The following SEMA3D variants were observed in gnomAD, a reference collection of about 807,000 sequenced individuals.
The protein encoded by SEMA3D is semaphorin-3D.
A neutral mutation model predicts 100.1 loss-of-function variants in SEMA3D; 84 were observed. The observed-to-expected ratio is 0.84, with a 90% CI of 0.70 to 1.01. The LOEUF (loss-of-function observed/expected upper bound fraction) is 1.01. SEMA3D is among the 50% of genes least tolerant of loss of function. The pLI, the probability that SEMA3D is intolerant of heterozygous loss-of-function variation, is 0.00. For missense variants in SEMA3D, 875 were observed against 934.1 expected, an observed-to-expected ratio of 0.94 and a Z score of 0.82; for synonymous variants, 312 against 320.7, an observed-to-expected ratio of 0.97 and a Z score of 0.29.
intron 2 of SEMA3D, chr7:85,140,452 G>A: frequency 1.0e-6 from 1 of 983,076 alleles, no homozygotes; most frequent in Non-Finnish European, 1.2e-6. Flanking sequence ...GGGATTTAAG[G>A]TGACTTACTG....
At chr7:85,104,947 C>A (rs915124079) in intron 3 of SEMA3D, among the ~76,000 whole-genome samples, 1 of 151,972 alleles carries the variant, frequency 6.6e-6, no homozygotes, top group African/African-American at 2.4e-5. Context: ...AGAGAAACTT[C>A]ACAACTAAAA....
chr7:85,059,518 T>C (rs1410571695), intron 8 of SEMA3D, among the ~76,000 whole-genome samples: 3 of 152,196 alleles, frequency 2.0e-5, no homozygotes, highest in Non-Finnish European at 4.4e-5. Flanking sequence ...TGATGTCCCT[T>C]GAAATTTCAG....
At chr7:85,229,805 C>G in the SEMA3D span, among the ~76,000 whole-genome samples, 1 of 152,098 alleles carries the variant, frequency 6.6e-6, no homozygotes, top group African/African-American at 2.4e-5. Context: ...TCCTGTTCTT[C>G]ATTCTTCATT....
chr7:85,233,080 C>CA, the SEMA3D span, among the ~76,000 whole-genome samples: 1 of 152,044 alleles, frequency 6.6e-6, no homozygotes, highest in African/African-American at 2.4e-5. Context: ...GACCTCTGCT[C>CA]AGTGTCAAAC....
At chr7:85,215,117 C>CTTT in the SEMA3D span, among the ~76,000 whole-genome samples, 4 of 128,304 alleles carry the variant, frequency 3.1e-5, no homozygotes, top group Non-Finnish European at 6.7e-5. Flanking sequence ...TTCTTTCTTT[C>CTTT]TTTTTTTTTT....
intron 15 of SEMA3D, among the ~76,000 whole-genome samples, chr7:85,016,250 CTTTTTTT>C (rs59812080): frequency 7.8e-6 from 1 of 128,770 alleles, no homozygotes; most frequent in African/African-American, 2.8e-5. Flanking sequence ...TTTGTGATTC[CTTTTTTT>C]TTTTTTTTTG....
intron 1 of SEMA3D, chr7:85,167,348 A>G (rs1241661227): frequency 1.0e-6 from 1 of 983,494 alleles, no homozygotes; most frequent in Non-Finnish European, 1.2e-6. Flanking sequence ...AGAAACATAA[A>G]GCATTTCAAC....
At chr7:85,002,064 T>C (rs943352755) in intron 18 of SEMA3D, among the ~76,000 whole-genome samples, 4 of 152,140 alleles carry the variant, frequency 2.6e-5, no homozygotes, top group African/African-American at 9.7e-5. Flanking sequence ...TAACACTTCA[T>C]CATTACTTTT....
chr7:85,034,568 C>T (rs1345621919), intron 12 of SEMA3D, among the ~76,000 whole-genome samples: 2 of 152,080 alleles, frequency 1.3e-5, no homozygotes, highest in African/African-American at 2.4e-5. Context: ...GATTGCACCA[C>T]TGCACTTTGG....
the SEMA3D span, among the ~76,000 whole-genome samples, chr7:85,231,788 T>C: frequency 6.6e-6 from 1 of 152,184 alleles, no homozygotes; most frequent in Non-Finnish European, 1.5e-5. Context: ...GTTAAGATTG[T>C]ATTCTTTGCA....
At chr7:85,064,818 T>A (rs7800255) in intron 8 of SEMA3D, among the ~76,000 whole-genome samples, 31,644 of 151,984 alleles carry the variant, frequency 0.21, 4,465 homozygotes, top group African/African-American at 0.41. Flanking sequence ...TTATGTTTTT[T>A]AAAAAATTTG....
chr7:85,151,065 A>G (rs997671177), intron 2 of SEMA3D, among the ~76,000 whole-genome samples: 5 of 150,664 alleles, frequency 3.3e-5, no homozygotes, highest in African/African-American at 4.9e-5. Flanking sequence ...AATTTTAAAC[A>G]GCACTGTTAC....
chr7:85,246,151 C>T, the SEMA3D span, among the ~76,000 whole-genome samples: 1 of 152,062 alleles, frequency 6.6e-6, no homozygotes, highest in African/African-American at 2.4e-5. Context: ...ATTTTAATTT[C>T]AGTCATTAAA....
At chr7:85,009,220 T>C (rs1789884711) in intron 17 of SEMA3D, among the ~76,000 whole-genome samples, 1 of 151,716 alleles carries the variant, frequency 6.6e-6, no homozygotes, top group Non-Finnish European at 1.5e-5. Flanking sequence ...GTAAAATGCC[T>C]AGAATACCTC....
chr7:85,067,318 T>G (rs551036699), intron 7 of SEMA3D, among the ~76,000 whole-genome samples: 30 of 152,248 alleles, frequency 2.0e-4, no homozygotes, highest in Non-Finnish European at 4.1e-4. Flanking sequence ...GTATGCCAAC[T>G]CCATTTCACA....
At chr7:85,233,694 T>G in the SEMA3D span, among the ~76,000 whole-genome samples, 1 of 152,202 alleles carries the variant, frequency 6.6e-6, no homozygotes, top group African/African-American at 2.4e-5. Flanking sequence ...TGGAGATCAG[T>G]CTGGTTTTAC....
At chr7:85,160,754 A>G (rs1790724331) in intron 1 of SEMA3D, among the ~76,000 whole-genome samples, 1 of 152,132 alleles carries the variant, frequency 6.6e-6, no homozygotes, top group Admixed American at 6.6e-5. Flanking sequence ...AAGAAAGATG[A>G]TTTCTGATGG....
At chr7:85,081,120 T>C (rs1273879073) in intron 5 of SEMA3D, among the ~76,000 whole-genome samples, 1 of 152,160 alleles carries the variant, frequency 6.6e-6, no homozygotes, top group Non-Finnish European at 1.5e-5. Flanking sequence ...TATGTATCAA[T>C]TCTGTTTGTG....
At chr7:85,137,129 A>G (rs187314268) in intron 2 of SEMA3D, among the ~76,000 whole-genome samples, 1 of 152,130 alleles carries the variant, frequency 6.6e-6, no homozygotes, top group Admixed American at 6.6e-5. Context: ...TCAGGGATCA[A>G]TGTTATTAAA....
Sources: allele counts gnomAD v4.1 joint callset (sites outside exome capture counted in the v4.1 genomes callset), GRCh38; gene constraint gnomAD v4.1.1; transcripts MANE v1.5; gene names NCBI Gene and HGNC (gene_info 2026-07-23, HGNC 2026-07-21).